The following TMEFF2 variants were observed in gnomAD, a reference collection of about 807,000 sequenced individuals.
TMEFF2 encodes transmembrane protein with EGF like and two follistatin like domains 2.
A neutral mutation model predicts 53.8 loss-of-function variants in TMEFF2; 28 were observed. The observed-to-expected ratio is 0.52, with a 90% confidence interval of 0.39 to 0.71. The LOEUF (loss-of-function observed/expected upper bound fraction) is 0.71. Among genes scored for constraint, TMEFF2 ranks in the 30% least tolerant of loss-of-function variants. TMEFF2 has a pLI of 0.00. For synonymous variants in TMEFF2, 162 were observed against 166.3 expected (o/e 0.97, Z 0.20); for missense variants, 353 against 455.2 (o/e 0.78, Z 2.04).
At chr2:192,056,758 C>G (rs1036081932) in intron 5 of TMEFF2, among the ~76,000 whole-genome samples, 5 of 151,960 alleles carry the variant, frequency 3.3e-5, no homozygotes, top group African/African-American at 1.2e-4. Context: ...CTTTGGGAGG[C>G]GATTAGGTTA....
intron 7 of TMEFF2, among the ~76,000 whole-genome samples, chr2:191,994,432 GC>G (rs2105829878): frequency 6.7e-6 from 1 of 148,858 alleles, no homozygotes; most frequent in East Asian, 2.0e-4. Context: ...AAAAAATATA[GC>G]CTTTTTTTTT....
At chr2:191,968,220 T>C (rs1692523440) in intron 7 of TMEFF2, among the ~76,000 whole-genome samples, 1 of 152,182 alleles carries the variant, frequency 6.6e-6, no homozygotes. Flanking sequence ...TTATGATTGC[T>C]TCAATTTACA....
chr2:192,184,217 T>C, intron 3 of TMEFF2, 137 bp downstream of exon 3: 2 of 1,131,868 alleles, frequency 1.8e-6, no homozygotes, highest in South Asian at 1.7e-5. Flanking sequence ...GAATAACAAA[T>C]GTTTTGAACA....
At chr2:192,032,799 A>C (rs966591437) in intron 5 of TMEFF2, among the ~76,000 whole-genome samples, 2 of 152,176 alleles carry the variant, frequency 1.3e-5, no homozygotes, top group African/African-American at 2.4e-5. Context: ...TCATCAGCAA[A>C]ATCAGGATAG....
intron 9 of TMEFF2, among the ~76,000 whole-genome samples, chr2:191,951,581 G>A (rs1329688810): frequency 2.0e-5 from 3 of 152,072 alleles, no homozygotes; most frequent in African/African-American, 4.8e-5. Context: ...GACCTATTTT[G>A]AAATAGGTCT....
intron 7 of TMEFF2, among the ~76,000 whole-genome samples, chr2:191,973,387 A>G (rs1318193598): frequency 1.3e-5 from 2 of 152,112 alleles, no homozygotes; most frequent in Non-Finnish European, 2.9e-5. Flanking sequence ...ATGTAAGTTT[A>G]AGAACATGAA....
At chr2:191,956,201 A>C in intron 8 of TMEFF2, 54 bp downstream of exon 8, 2 of 1,521,028 alleles carry the variant, frequency 1.3e-6, no homozygotes, top group Non-Finnish European at 1.8e-6. Flanking sequence ...TCTACAATTT[A>C]GTTTCTACAT....
rs1218214979 is a variant in TMEFF2, at chr2:192,089,553, CCA to C, written c.440-31780_440-31779del. ...ACAGTCTTCATGTATTTCTCCATACCCACAGAGTCCTGACCATTTTTTCGTGA... is the reference window on the plus strand; with the variant it reads ...ACAGTCTTCATGTATTTCTCCATACCCAGAGTCCTGACCATTTTTTCGTGA... On this transcript the variant is annotated intron_variant, in intron 4 of 9. Coordinates refer to ENST00000272771, the MANE Select transcript of TMEFF2 (RefSeq NM_016192.4). Among the ~76,000 whole-genome samples the C allele has an allele frequency of 7.9e-5, 12 of 152,098 alleles. No individual in the cohort carries two copies. In the East Asian group the frequency reaches 2.3e-3, roughly 29 times the overall value.
chr2:192,000,530 A>G (rs546538681), intron 5 of TMEFF2, among the ~76,000 whole-genome samples: 1 of 152,298 alleles, frequency 6.6e-6, no homozygotes, highest in South Asian at 2.1e-4. Flanking sequence ...ATTCATAAGC[A>G]GATTTCTGGG....
rs560141390 is a variant in TMEFF2 at position 192,169,441 on chromosome 2, G to A, written c.439+10227C>T. ...CTGAGGTAGAGAAAATGAATGATGT[G>A]AATGGAGAGCCAGGAACTGAACCAG... On this transcript the variant is annotated intron_variant, in intron 4 of 9. Transcript: ENST00000272771. Among the ~76,000 whole-genome samples, 38 of 152,210 alleles carry A rather than the reference G, an allele frequency of 2.5e-4. No individual in the cohort carries two copies. The South Asian group carries it at 7.7e-3, about 31-fold the overall frequency.
chr2:192,188,578 G>C (rs897926718), intron 2 of TMEFF2, among the ~76,000 whole-genome samples: 1 of 152,178 alleles, frequency 6.6e-6, no homozygotes, highest in Admixed American at 6.5e-5. Context: ...AAGACACTAA[G>C]TACTGGGCAG....
At chr2:191,985,765 C>T (rs576533219) in intron 7 of TMEFF2, among the ~76,000 whole-genome samples, 14 of 152,252 alleles carry the variant, frequency 9.2e-5, no homozygotes, top group Admixed American at 4.6e-4. Flanking sequence ...GTTGTCTTTG[C>T]TATTTTTTCA....
intron 5 of TMEFF2, among the ~76,000 whole-genome samples, chr2:192,026,713 G>A (rs1203227908): frequency 6.6e-6 from 1 of 152,186 alleles, no homozygotes; most frequent in Non-Finnish European, 1.5e-5. Flanking sequence ...TGGAAACAAA[G>A]ACTTAGCTTC....
intron 4 of TMEFF2, among the ~76,000 whole-genome samples, chr2:192,113,906 T>G (rs569577198): frequency 6.6e-6 from 1 of 152,154 alleles, no homozygotes; most frequent in Non-Finnish European, 1.5e-5. Flanking sequence ...AAAGGGCACA[T>G]TGCTAACAGT....
chr2:191,996,698 A>T (rs1226297321), intron 7 of TMEFF2, among the ~76,000 whole-genome samples: 1 of 151,970 alleles, frequency 6.6e-6, no homozygotes, highest in Non-Finnish European at 1.5e-5. Flanking sequence ...AACTATTCAT[A>T]ATTTTATTAG....
intron 2 of TMEFF2, among the ~76,000 whole-genome samples, chr2:192,185,340 G>T (rs930286815): frequency 1.3e-5 from 2 of 151,948 alleles, no homozygotes; most frequent in Non-Finnish European, 2.9e-5. Flanking sequence ...TTACACCAGG[G>T]ATGTGATTAT....
chr2:192,132,390 T>C (rs1303879083), intron 4 of TMEFF2, among the ~76,000 whole-genome samples: 4 of 152,130 alleles, frequency 2.6e-5, no homozygotes, highest in Non-Finnish European at 4.4e-5. Flanking sequence ...GCAGCAACCC[T>C]GAGACGCTTT....
At chr2:192,157,785 A>G (rs1295082299) in intron 4 of TMEFF2, among the ~76,000 whole-genome samples, 1 of 152,068 alleles carries the variant, frequency 6.6e-6, no homozygotes, top group Non-Finnish European at 1.5e-5. Flanking sequence ...TAAGTGTTAA[A>G]AAATCTTCAT....
intron 5 of TMEFF2, among the ~76,000 whole-genome samples, chr2:192,037,329 G>GAAAGAAAGAA (rs1687338736): frequency 6.9e-6 from 1 of 145,876 alleles, no homozygotes; most frequent in East Asian, 2.0e-4. Context: ...AAGAAAGAAA[G>GAAAGAAAGAA]AAAGAAAAAC....
Sources: allele counts gnomAD v4.1 joint callset (sites outside exome capture counted in the v4.1 genomes callset), GRCh38; gene constraint gnomAD v4.1.1; transcripts MANE v1.5; gene names NCBI Gene and HGNC (gene_info 2026-07-23, HGNC 2026-07-21).